Variants in TENM2 observed in about 807,000 individuals in gnomAD.
TENM2 encodes teneurin-2.
TENM2 carries 52 observed loss-of-function variants against 245.2 expected under a neutral mutation model. The observed-to-expected ratio is 0.21, with a 90% CI of 0.17 to 0.27. The LOEUF is 0.27. Among genes scored for constraint, TENM2 ranks in the 10% least tolerant of loss-of-function variants. TENM2 has a pLI of 1.00. For missense variants in TENM2, 3,046 were observed against 3,666.8 expected (o/e 0.83, Z 4.37); for synonymous variants, 1,363 against 1,438.9 (o/e 0.95, Z 1.19).
At chr5:167,319,587 G>A (rs191470893) in intron 1 of TENM2, among the ~76,000 whole-genome samples, 1 of 152,136 alleles carries the variant, frequency 6.6e-6, no homozygotes, top group African/African-American at 2.4e-5. Flanking sequence ...TTATTGTACA[G>A]TTGAAAAACA....
intron 4 of TENM2, among the ~76,000 whole-genome samples, chr5:167,987,653 A>T (rs1783351036): frequency 6.6e-6 from 1 of 151,466 alleles, no homozygotes. Flanking sequence ...ATACTCCCAG[A>T]CTCCACCCCA....
At chr5:167,271,451 G>A in the TENM2 span, among the ~76,000 whole-genome samples, 1 of 151,926 alleles carries the variant, frequency 6.6e-6, no homozygotes, top group Non-Finnish European at 1.5e-5. Flanking sequence ...GGACTGGAGA[G>A]GGGGAAAAAA....
intron 9 of TENM2, among the ~76,000 whole-genome samples, chr5:168,100,510 T>C (rs971859420): frequency 6.6e-6 from 1 of 152,134 alleles, no homozygotes; most frequent in African/African-American, 2.4e-5. Flanking sequence ...ATAGACTGGA[T>C]AAAGTAAATG....
chr5:168,064,813 C>T (rs1034710305), intron 7 of TENM2, among the ~76,000 whole-genome samples: 4 of 152,062 alleles, frequency 2.6e-5, no homozygotes, highest in African/African-American at 7.2e-5. Context: ...GCCACCGTGC[C>T]GATGCTTAGA....
the TENM2 span, among the ~76,000 whole-genome samples, chr5:166,991,157 T>G: frequency 7.6e-6 from 1 of 130,896 alleles, no homozygotes; most frequent in Non-Finnish European, 1.7e-5. Context: ...AGTTGTTTGG[T>G]TTGGTGTTTT....
intron 2 of TENM2, among the ~76,000 whole-genome samples, chr5:167,500,048 A>G (rs910593110): frequency 4.2e-4 from 49 of 116,370 alleles, no homozygotes; most frequent in African/African-American, 1.5e-3. Context: ...GTGTGTTTGT[A>G]CATATATATG....
chr5:168,178,253 C>T (rs1402113716), intron 13 of TENM2, among the ~76,000 whole-genome samples: 1 of 152,202 alleles, frequency 6.6e-6, no homozygotes, highest in East Asian at 1.9e-4. Context: ...TGCCGGGCCT[C>T]GGCTGCACTG....
chr5:168,190,297 A>G lies in TENM2; in HGVS notation c.2570-40A>G, dbSNP rs1350365625. The G allele has an allele frequency of 4.5e-6, 7 of 1,550,516 alleles. No individual in the cohort carries two copies. The East Asian group carries it at 1.6e-4, about 35-fold the overall frequency. On this transcript the variant is annotated intron_variant, in intron 13 of 28. Transcript: ENST00000518659. ...TAGTGTCTCCAAACAGCTTTATGCC[A>G]TGAAATCTGCTGACTCTGGCTCTGC...
At chr5:168,107,296 C>G (rs1794322999) in intron 9 of TENM2, among the ~76,000 whole-genome samples, 1 of 152,140 alleles carries the variant, frequency 6.6e-6, no homozygotes, top group South Asian at 2.1e-4. Flanking sequence ...ACCAACCTCT[C>G]CATGATGGTA....
the TENM2 span, among the ~76,000 whole-genome samples, chr5:167,056,648 T>A: frequency 6.8e-6 from 1 of 147,150 alleles, no homozygotes; most frequent in Admixed American, 6.9e-5. Context: ...TATAAATATA[T>A]CTATATAAAT....
intron 4 of TENM2, among the ~76,000 whole-genome samples, chr5:167,974,125 AGG>A (rs1782111596): frequency 2.3e-3 from 1 of 428 alleles, no homozygotes; most frequent in African/African-American, 9.3e-3. Flanking sequence ...GGAGGAAGGA[AGG>A]AAGGAAGGAA....
At chr5:167,376,084 T>C (rs1760731463) in intron 2 of TENM2, among the ~76,000 whole-genome samples, 1 of 152,172 alleles carries the variant, frequency 6.6e-6, no homozygotes, top group East Asian at 1.9e-4. Context: ...CAAATCACTA[T>C]TGCCTATCCA....
At chr5:168,025,302 T>A (rs1786506634) in intron 5 of TENM2, among the ~76,000 whole-genome samples, 1 of 152,256 alleles carries the variant, frequency 6.6e-6, no homozygotes, top group Admixed American at 6.5e-5. Context: ...TCCATGCTAA[T>A]GGCATGATTT....
At chr5:167,108,231 T>C in the TENM2 span, among the ~76,000 whole-genome samples, 1 of 152,172 alleles carries the variant, frequency 6.6e-6, no homozygotes, top group Non-Finnish European at 1.5e-5. Flanking sequence ...GTTCAAGTGA[T>C]TCTCATGCCT....
At chr5:166,982,960 C>T in the TENM2 span, among the ~76,000 whole-genome samples, 1 of 152,006 alleles carries the variant, frequency 6.6e-6, no homozygotes, top group African/African-American at 2.4e-5. Flanking sequence ...GCAGTTTTGT[C>T]AAAGTATTCT....
intron 7 of TENM2, among the ~76,000 whole-genome samples, chr5:168,084,533 T>G (rs1250206856): frequency 6.6e-6 from 1 of 152,202 alleles, no homozygotes; most frequent in East Asian, 1.9e-4. Context: ...GGAAGCCCTC[T>G]CTTAGGTCAT....
At chr5:167,206,238 A>C in the TENM2 span, among the ~76,000 whole-genome samples, 1 of 152,166 alleles carries the variant, frequency 6.6e-6, no homozygotes, top group African/African-American at 2.4e-5. Context: ...GAGGCCTCCA[A>C]AAATGTTTCT....
chr5:167,187,892 C>A, the TENM2 span, among the ~76,000 whole-genome samples: 1 of 152,108 alleles, frequency 6.6e-6, no homozygotes, highest in Non-Finnish European at 1.5e-5. Flanking sequence ...GACTAAAACA[C>A]CCCGAGCCAT....
At chr5:167,711,471 C>T (rs1295819030) in intron 2 of TENM2, among the ~76,000 whole-genome samples, 1 of 152,198 alleles carries the variant, frequency 6.6e-6, no homozygotes, top group African/African-American at 2.4e-5. Flanking sequence ...TCTTCCCATC[C>T]TTTTCGGCCT....
Sources: gnomAD v4.1 joint callset for allele counts (sites outside exome capture counted in the v4.1 genomes callset) on GRCh38, gnomAD v4.1.1 for gene constraint, MANE v1.5 for transcripts, NCBI Gene and HGNC (gene_info 2026-07-23, HGNC 2026-07-21) for gene names.